Variants in TMOD3 observed in about 807,000 individuals in gnomAD.
TMOD3 encodes the protein tropomodulin 3, also known as tropomodulin-3.
A neutral mutation model predicts 39.2 loss-of-function variants in TMOD3; 20 were observed. That is an observed-to-expected ratio of 0.51 (90% CI 0.36 to 0.74). The LOEUF (loss-of-function observed/expected upper bound fraction) is 0.74, where lower values mean the gene tolerates loss of function less well. TMOD3 is among the 30% of genes least tolerant of loss of function. The pLI is 0.00. For synonymous variants in TMOD3, 143 were observed against 145.8 expected, an observed-to-expected ratio of 0.98 and a Z score of 0.14; for missense variants, 381 against 412.8, an observed-to-expected ratio of 0.92 and a Z score of 0.67.
Position 51,889,091 on chromosome 15 carries a change from A to G in TMOD3, c.442A>G (p.Lys148Glu), listed in dbSNP as rs1372753286. ...LGMHNLITNT[K>E]FCNIMGSSNG... Reference sequence around the variant, plus strand: ...GATGCACAATTTGATAACGAATACAAAGTTCTGTAATATAATGGGAAGTAG... The same window carrying G: ...GATGCACAATTTGATAACGAATACAGAGTTCTGTAATATAATGGGAAGTAG... The change falls in exon 5 of 10, where the codon AAG becomes GAG. Residue 148 changes from lysine to glutamate, a missense_variant. Physicochemically the swap from Lys to Glu is moderately conservative, Grantham distance 56. Transcript: ENST00000308580. 3 of 1,590,208 alleles carry G rather than the reference A, an allele frequency of 1.9e-6. No individual in the cohort carries two copies. Among genetic ancestry groups the G allele is most frequent in the Non-Finnish European group, 2.6e-6 (3 of 1,173,224 alleles).
intron 1 of TMOD3, among the ~76,000 whole-genome samples, chr15:51,830,260 G>T (rs1470722984): frequency 1.3e-5 from 2 of 152,244 alleles, no homozygotes; most frequent in South Asian, 2.1e-4. Flanking sequence ...GCGGCGGAGT[G>T]GGGGAGCCAA....
At chr15:51,888,987 A>G in intron 4 of TMOD3, 69 bp from the exon 5 acceptor site, 1 of 970,858 alleles carries the variant, frequency 1.0e-6, no homozygotes, top group Non-Finnish European at 1.6e-6. Context: ...AAAATTATTG[A>G]TAGAAATTTT....
At position 51,893,593 on chromosome 15, in the gene TMOD3, G is replaced by A. The variant is rs186890904; in HGVS notation, c.497-222G>A. Among the ~76,000 whole-genome samples, 907 of 151,918 alleles carry A rather than the reference G, an allele frequency of 6.0e-3. 8 individuals are homozygous for A. The highest frequency in any genetic ancestry group is 0.021 in the African/African-American group (859 of 41,430). On this transcript the variant is annotated intron_variant, in intron 5 of 9. Transcript: ENST00000308580. ...ATCCTGGCTAACATGGTGAAACCCC[G>A]TCTCTACTAAAAATACAAAAAATTA...
At chr15:51,840,095 G>A (rs922792319) in intron 1 of TMOD3, among the ~76,000 whole-genome samples, 1 of 152,140 alleles carries the variant, frequency 6.6e-6, no homozygotes, top group Admixed American at 6.5e-5. Context: ...CACAATCTAT[G>A]GTGGAAATAG....
chr15:51,858,515 C>T (rs2056399608), intron 1 of TMOD3, among the ~76,000 whole-genome samples: 1 of 151,458 alleles, frequency 6.6e-6, no homozygotes, highest in Non-Finnish European at 1.5e-5. Flanking sequence ...TGGGCAGTTA[C>T]ACAAGTTGCC....
intron 1 of TMOD3, among the ~76,000 whole-genome samples, chr15:51,843,083 T>G (rs1223443893): frequency 6.6e-6 from 1 of 152,148 alleles, no homozygotes; most frequent in Non-Finnish European, 1.5e-5. Flanking sequence ...TGGGGCTAGA[T>G]GGTATGCCAT....
rs114610378 is a variant in TMOD3, at chr15:51,887,750, G to A, written c.406+39G>A. On this transcript the variant is annotated intron_variant, in intron 4 of 9. Coordinates refer to ENST00000308580, the MANE Select transcript of TMOD3 (RefSeq NM_014547.5). ...CAAGTTAATTTGTGAATAAGTGTGGGGTGGAGTGGGAAATACCAGCACATA... is the reference window on the plus strand; with the variant it reads ...CAAGTTAATTTGTGAATAAGTGTGGAGTGGAGTGGGAAATACCAGCACATA... 1,060 of 1,611,816 alleles carry A rather than the reference G, an allele frequency of 6.6e-4. 9 individuals are homozygous for A. The African/African-American group carries it at 0.013, about 20-fold the overall frequency.
At position 51,896,499 on chromosome 15, in the gene TMOD3, C is replaced by T. The variant is rs770909397; in HGVS notation, c.708C>T (p.Ala236=). 23 of 1,613,704 alleles carry T rather than the reference C, an allele frequency of 1.4e-5. No homozygotes were observed. Among genetic ancestry groups the T allele is most frequent in the Non-Finnish European group, 1.8e-5 (21 of 1,179,820 alleles). ...ATGTGAAATGTTTCAGTCTTGCAGC[C>T]ACCCGGAGCAATGACCCTGTTGCTA... is the stretch of plus-strand genomic sequence containing the variant. ...NTHVKCFSLA[A]TRSNDPVATA... The change falls in exon 7 of 10, where the codon GCC becomes GCT. Residue 236 remains alanine (A), a synonymous_variant. Transcript: ENST00000308580.
chr15:51,837,412 T>C (rs2056291903), intron 1 of TMOD3, among the ~76,000 whole-genome samples: 2 of 151,828 alleles, frequency 1.3e-5, no homozygotes, highest in African/African-American at 2.4e-5. Context: ...TTAATACTCT[T>C]AGGGAACTAT....
chr15:51,900,905 T>G (rs1287936108), intron 8 of TMOD3: 1 of 152,184 alleles, frequency 6.6e-6, no homozygotes, highest in African/African-American at 2.4e-5. Context: ...GCTAAATGGT[T>G]TTTAGTATAT....
intron 3 of TMOD3, among the ~76,000 whole-genome samples, chr15:51,879,856 TCACACACACACA>T (rs68117829): frequency 2.8e-5 from 4 of 142,558 alleles, no homozygotes; most frequent in Non-Finnish European, 4.6e-5. Flanking sequence ...TCTCTGTCTT[TCACACACACACA>T]CACACACACA....
At chr15:51,839,885 G>T (rs2056305007) in intron 1 of TMOD3, among the ~76,000 whole-genome samples, 1 of 152,134 alleles carries the variant, frequency 6.6e-6, no homozygotes, top group South Asian at 2.1e-4. Flanking sequence ...TAATCAAAGA[G>T]TGACAATACA....
rs149438801 is a variant in TMOD3, at chr15:51,860,702, G to A, written c.-74-2109G>A. On this transcript the variant is annotated intron_variant, in intron 1 of 9. Transcript: ENST00000308580. ...TGTAGTCCCAGCACTTTGGGAGGCCGAGGCGGGTGGATCACCTGAGGTCAG... is the reference window on the plus strand; with the variant it reads ...TGTAGTCCCAGCACTTTGGGAGGCCAAGGCGGGTGGATCACCTGAGGTCAG... 5.8e-3 allele frequency: 2,468 copies of A among 425,112 alleles called. 54 individuals carry two copies. The highest frequency in any genetic ancestry group is 0.044 in the African/African-American group (2,134 of 48,972). The allele number at this position is 425,112 out of a possible 1,614,324, so 26.3% of individuals were successfully genotyped here. A position where few individuals can be genotyped will look rare whatever the true frequency, so the allele number is the denominator to read the frequency against.
chr15:51,884,005 C>T (rs770458056), intron 3 of TMOD3, among the ~76,000 whole-genome samples: 5 of 152,090 alleles, frequency 3.3e-5, no homozygotes, highest in Non-Finnish European at 7.4e-5. Context: ...GATTAATCAC[C>T]AGAATTCCAA....
intron 9 of TMOD3, among the ~76,000 whole-genome samples, chr15:51,904,583 T>A (rs1168839994): frequency 1.3e-5 from 2 of 152,208 alleles, no homozygotes; most frequent in African/African-American, 4.8e-5. Flanking sequence ...GGCAGGTGAT[T>A]CCAGCAGCTG....
chr15:51,832,397 A>G (rs929757399), intron 1 of TMOD3, among the ~76,000 whole-genome samples: 6 of 151,576 alleles, frequency 4.0e-5, no homozygotes, highest in South Asian at 2.1e-4. Flanking sequence ...ACTAAAGTCA[A>G]TATTTTTTTC....
intron 1 of TMOD3, chr15:51,859,130 T>C: frequency 1.6e-6 from 1 of 638,110 alleles, no homozygotes; most frequent in Non-Finnish European, 2.9e-6. Context: ...ATAATACATA[T>C]TTGCCCACAG....
intron 9 of TMOD3, among the ~76,000 whole-genome samples, chr15:51,908,274 C>T (rs547671132): frequency 6.6e-6 from 1 of 152,212 alleles, no homozygotes; most frequent in African/African-American, 2.4e-5. Context: ...TGTACTTTTT[C>T]AGTAAACAAA....
intron 3 of TMOD3, among the ~76,000 whole-genome samples, chr15:51,887,251 T>G (rs1215247090): frequency 1.4e-5 from 2 of 146,924 alleles, no homozygotes; most frequent in African/African-American, 2.5e-5. Context: ...GGATTCTGTT[T>G]TTTTTTTTTT....
Sources: allele counts gnomAD v4.1 joint callset (sites outside exome capture counted in the v4.1 genomes callset), GRCh38; gene constraint gnomAD v4.1.1; transcripts MANE v1.5; gene names NCBI Gene and HGNC (gene_info 2026-07-23, HGNC 2026-07-21).